Variants in SH3BP2 observed in about 807,000 individuals in gnomAD.
SH3BP2 encodes SH3 domain binding protein 2, also known as SH3 domain-binding protein 2.
SH3BP2 carries 38 observed loss-of-function variants against 56.2 expected under a neutral mutation model. That is an observed-to-expected ratio of 0.68 (90% CI 0.52 to 0.89). The LOEUF (loss-of-function observed/expected upper bound fraction) is 0.89, where lower values mean the gene tolerates loss of function less well. SH3BP2 is among the 40% of genes least tolerant of loss of function. The pLI, the probability that SH3BP2 is intolerant of heterozygous loss-of-function variation, is 0.00. For missense variants in SH3BP2, 748 were observed against 762.6 expected (o/e 0.98, Z 0.23); for synonymous variants, 346 against 316.7 (o/e 1.09, Z -0.98).
At chr4:2,824,992 C>A in intron 4 of SH3BP2, 134 bp from the exon 5 acceptor site, 1 of 832,738 alleles carries the variant, frequency 1.2e-6, no homozygotes, top group Non-Finnish European at 2.0e-6. Flanking sequence ...GCCACACAGC[C>A]ATGTTGTATC....
chr4:2,833,517 G>T, intron 12 of SH3BP2, 180 bp from the exon 13 acceptor site: 1 of 713,748 alleles, frequency 1.4e-6, no homozygotes, highest in Non-Finnish European at 2.4e-6. Flanking sequence ...AAGTGAGGTG[G>T]GAACATGGAG....
chr4:2,827,821 G>A, intron 7 of SH3BP2, 147 bp downstream of exon 7: 1 of 693,624 alleles, frequency 1.4e-6, no homozygotes, highest in South Asian at 1.7e-5. Context: ...CAAGTATTAT[G>A]AGGATTGGAG....
chr4:2,818,511 G>T, intron 1 of SH3BP2: 1 of 569,154 alleles, frequency 1.8e-6, no homozygotes, highest in African/African-American at 2.0e-5. Context: ...GGTCGCCCAC[G>T]CGCTTCTTGG....
rs865906651 is a variant in SH3BP2, at chr4:2,810,485, T to C, written c.-4-10129T>C. Among the ~76,000 whole-genome samples the C allele has an allele frequency of 2.6e-5, 4 of 151,878 alleles. No individual in the cohort carries two copies. Among genetic ancestry groups the C allele is most frequent in the South Asian group, 4.2e-4 (2 of 4,818 alleles). On this transcript the variant is annotated intron_variant, in intron 1 of 12. Transcript: ENST00000503393. The surrounding 1 kb of genome is among the most constrained non-coding windows in gnomAD (Gnocchi z 4.2). ...GCTCCTGCTTCCAGCTCAGGCCTTGTCCGCTCTTGCATTTGCCTGCCCAGT... is the reference window on the plus strand; with the variant it reads ...GCTCCTGCTTCCAGCTCAGGCCTTGCCCGCTCTTGCATTTGCCTGCCCAGT...
In SH3BP2 at chr4:2,798,928, G is replaced by A. The variant is rs542893909; in HGVS notation, c.-5+5790G>A. The A allele has an allele frequency of 2.1e-5, 20 of 947,274 alleles. 1 individual carries two copies. In the South Asian group the frequency reaches 9.7e-4, roughly 46 times the overall value. 58.7% of individuals were successfully genotyped at this position (947,274 alleles called of 1,614,324 possible). A position where few individuals can be genotyped will look rare whatever the true frequency, so the allele number is the denominator to read the frequency against. ...AGTGCAGCCTCATGGGATGCGTGAG[G>A]GTGAGGGTGTGCCCATCCAGCTGCT... On this transcript the variant is annotated intron_variant, in intron 1 of 12. Transcript: ENST00000503393.
In SH3BP2 at chr4:2,824,725, C is replaced by T. The variant is rs143851218; in HGVS notation, c.352C>T (p.Arg118Cys). The T allele has an allele frequency of 2.5e-6, 4 of 1,605,856 alleles. No homozygotes were observed. Among genetic ancestry groups the T allele is most frequent in the South Asian group, 2.2e-5 (2 of 90,934 alleles). Residue 118 changes from arginine to cysteine, a missense_variant, in exon 4 of 13, where the codon CGC (arginine) becomes TGC (cysteine). Around this residue, in one of 3 missense-constraint regions of SH3BP2, gnomAD observed 635 missense variants for 615.0 expected, o/e 1.03. Coordinates refer to ENST00000503393, the MANE Select transcript of SH3BP2 (RefSeq NM_001122681.2). ...CTTCTCGGCCTCCTCCGAGGAGGAG[C>T]GCAAGGTGACTGGGGGTCCGAGGAC... ...WFFSASSEEE[R>C]KSWMALLRRE...
intron 3 of SH3BP2, chr4:2,823,599 G>A (rs1275291880): frequency 2.2e-6 from 1 of 451,136 alleles, no homozygotes; most frequent in African/African-American, 2.0e-5. Context: ...GTGGCATGTG[G>A]GTGGGGGAGT....
At chr4:2,824,765 T>C in intron 4 of SH3BP2, 35 bp downstream of exon 4, 1 of 1,483,864 alleles carries the variant, frequency 6.7e-7, no homozygotes, top group African/African-American at 1.4e-5. Context: ...GCAAGGTGAC[T>C]GGGGGTGTGG....
chr4:2,802,279 C>A (rs1393079196), intron 1 of SH3BP2, among the ~76,000 whole-genome samples: 1 of 151,774 alleles, frequency 6.6e-6, no homozygotes, highest in African/African-American at 2.4e-5. Flanking sequence ...ACCTGTAATC[C>A]CAGCTATAGG....
intron 1 of SH3BP2, among the ~76,000 whole-genome samples, chr4:2,805,202 C>A (rs772113622): frequency 2.6e-5 from 4 of 152,230 alleles, no homozygotes; most frequent in Non-Finnish European, 5.9e-5. Context: ...TAAGCACACC[C>A]CCTGGGCCCG....
intron 1 of SH3BP2, among the ~76,000 whole-genome samples, chr4:2,819,811 C>G (rs1004089490): frequency 9.2e-5 from 14 of 151,690 alleles, no homozygotes; most frequent in Middle Eastern, 3.2e-3. Flanking sequence ...GAGGAGGAAG[C>G]ATTAAACAGC....
chr4:2,793,331 A>T (rs2108690776), intron 1 of SH3BP2, among the ~76,000 whole-genome samples, 193 bp downstream of exon 1: 1 of 117,710 alleles, frequency 8.5e-6, no homozygotes, highest in Non-Finnish European at 1.8e-5. Flanking sequence ...GGGGAGTCTC[A>T]GGGGTCCCGG....
intron 1 of SH3BP2, chr4:2,812,474 T>C: frequency 6.5e-7 from 1 of 1,549,826 alleles, no homozygotes; most frequent in Non-Finnish European, 8.7e-7. Flanking sequence ...GTCAGCACCA[T>C]CAGGTCAGTG....
intron 2 of SH3BP2, among the ~76,000 whole-genome samples, chr4:2,822,727 G>A (rs1452395085): frequency 6.6e-6 from 1 of 152,234 alleles, no homozygotes; most frequent in Non-Finnish European, 1.5e-5. Context: ...TCTGGGGCTA[G>A]CCAGTGTGCC....
chr4:2,822,915 G>A lies in SH3BP2; in HGVS notation c.137-20G>A. The A allele has an allele frequency of 1.2e-6, 2 of 1,605,052 alleles. No homozygotes were observed. The highest frequency in any genetic ancestry group is 1.7e-5 in the Admixed American group (1 of 59,742). On this transcript the variant is annotated intron_variant, in intron 2 of 12. Coordinates refer to ENST00000503393, the MANE Select transcript of SH3BP2 (RefSeq NM_001122681.2). ...GCTGCCCCTCCAGGCTCACCTTCCT[G>A]CCCTTGCCACCTCCCACAGGGCCCC...
intron 5 of SH3BP2, chr4:2,826,724 CTGTG>C (rs199837317): frequency 5.7e-6 from 2 of 352,118 alleles, no homozygotes; most frequent in East Asian, 7.6e-5. Flanking sequence ...GCATGTTGCT[CTGTG>C]TGTGTGCATG....
In SH3BP2 at chr4:2,833,055, A is replaced by G. The variant is rs1415910782; in HGVS notation, c.1548+6A>G. On this transcript the variant is annotated splice_donor_region_variant and intron_variant, in intron 12 of 12. Coordinates refer to ENST00000503393, the MANE Select transcript of SH3BP2 (RefSeq NM_001122681.2). ...ACTATCGCATTTTTGAGAAGGTGAG[A>G]GGGCTCTGAGTGGGACGGGGACCCT... The G allele has an allele frequency of 6.2e-7, 1 of 1,613,814 alleles. No individual in the cohort carries two copies. The highest frequency in any genetic ancestry group is 8.5e-7 in the Non-Finnish European group (1 of 1,179,806).
intron 7 of SH3BP2, 81 bp downstream of exon 7, chr4:2,827,755 C>G (rs1446658731): frequency 8.4e-7 from 1 of 1,186,166 alleles, no homozygotes; most frequent in Non-Finnish European, 1.2e-6. Flanking sequence ...CCCTCCGAGG[C>G]TGGGGATGCT....
At chr4:2,833,341 CT>C in intron 12 of SH3BP2, 1 of 575,966 alleles carries the variant, frequency 1.7e-6, no homozygotes, top group Non-Finnish European at 3.1e-6. Context: ...GTCTCACTGT[CT>C]TTCTCAGGCT....
Sources: allele counts gnomAD v4.1 joint callset (sites outside exome capture counted in the v4.1 genomes callset), GRCh38; gene constraint gnomAD v4.1.1; regional missense constraint gnomAD v4.1.1; non-coding constraint Gnocchi (gnomAD v3.1); transcripts MANE v1.5; gene names NCBI Gene and HGNC (gene_info 2026-07-23, HGNC 2026-07-21).